The following HS3ST1 variants were observed in gnomAD, a reference collection of about 807,000 sequenced individuals.
HS3ST1 encodes heparan sulfate-glucosamine 3-sulfotransferase 1.
Under a neutral mutation model 20.7 loss-of-function variants are expected in HS3ST1, and 8 were observed. That is an observed-to-expected ratio of 0.39 (90% confidence interval 0.23 to 0.70). HS3ST1 has a LOEUF of 0.70. Among genes scored for constraint, HS3ST1 ranks in the 30% least tolerant of loss-of-function variants. HS3ST1 has a pLI of 0.46. For synonymous variants in HS3ST1, 205 were observed against 190.4 expected, an observed-to-expected ratio of 1.08 and a Z score of -0.63; for missense variants, 436 against 423.4, an observed-to-expected ratio of 1.03 and a Z score of -0.26.
intron 1 of HS3ST1, among the ~76,000 whole-genome samples, chr4:11,420,383 T>C (rs79150224): frequency 0.04 from 6,050 of 152,268 alleles, 158 homozygotes; most frequent in Non-Finnish European, 0.056. Context: ...GTTCATCTAT[T>C]TGGGGGGAGC....
intron 1 of HS3ST1, among the ~76,000 whole-genome samples, chr4:11,403,750 T>G (rs1342404657): frequency 5.9e-5 from 9 of 152,232 alleles, no homozygotes. Flanking sequence ...TCATTTGTTC[T>G]GTTCAGTAGA....
intron 1 of HS3ST1, among the ~76,000 whole-genome samples, chr4:11,401,845 G>C (rs144128489): frequency 6.6e-6 from 1 of 152,332 alleles, no homozygotes; most frequent in Non-Finnish European, 1.5e-5. Context: ...TGCTGGCCTA[G>C]ATGCTGTGGG....
At chr4:11,430,626 C>T (rs1366458230), upstream of HS3ST1, among the ~76,000 whole-genome samples, 1 of 152,148 alleles carries the variant, frequency 6.6e-6, no homozygotes, top group African/African-American at 2.4e-5. Context: ...TTTCATTACC[C>T]ATTGTGAGAC....
At chr4:11,413,958 TGAGA>T (rs2108886353) in intron 1 of HS3ST1, 1 of 152,262 alleles carries the variant, frequency 6.6e-6, no homozygotes, top group East Asian at 1.9e-4. Context: ...TAAATCATAG[TGAGA>T]AAGAAGGAAA....
chr4:11,412,558 T>C (rs1718664031), intron 1 of HS3ST1, among the ~76,000 whole-genome samples: 1 of 152,190 alleles, frequency 6.6e-6, no homozygotes, highest in Non-Finnish European at 1.5e-5. Context: ...ATCAAACTTC[T>C]AAGCTGCTGA....
rs974239157 is a variant in HS3ST1 at position 11,399,665 on chromosome 4, T to C, written c.341A>G (p.Gln114Arg). The C allele has an allele frequency of 3.1e-6, 5 of 1,613,808 alleles. No individual in the cohort carries two copies. In the African/African-American group the frequency reaches 5.3e-5, roughly 17 times the overall value. The change falls in exon 2 of 2, where the codon CAG (glutamine) becomes CGG (arginine). Residue 114 changes from glutamine (Q) to arginine (R), a missense_variant. Physicochemically the swap from Gln to Arg is conservative, Grantham distance 43. Transcript: ENST00000002596. This position sits in a 1 kb window ranked among gnomAD's most constrained non-coding sequence, Gnocchi z 5.1. ...LSQMPFSWPH[Q>R]LTVEKTPAYF... The stretch of plus-strand genomic sequence containing the variant: ...CGCGGGGGTCTTCTCCACTGTGAGC[T>C]GGTGTGGCCAGGAGAAGGGCATCTG...
At chr4:11,411,049 T>C (rs1241683565) in intron 1 of HS3ST1, among the ~76,000 whole-genome samples, 2 of 152,340 alleles carry the variant, frequency 1.3e-5, no homozygotes, top group East Asian at 1.9e-4. Context: ...TTGGAAACTT[T>C]TGTTCAGCTT....
At chr4:11,400,248 C>A in intron 1 of HS3ST1, 135 bp from the exon 2 acceptor site, 1 of 669,114 alleles carries the variant, frequency 1.5e-6, no homozygotes, top group Non-Finnish European at 2.2e-6. Flanking sequence ...ATACAGGAGC[C>A]GATGGCAAAC....
At chr4:11,434,124 T>G (rs1218659397), upstream of HS3ST1, among the ~76,000 whole-genome samples, 1 of 152,176 alleles carries the variant, frequency 6.6e-6, no homozygotes, top group Non-Finnish European at 1.5e-5. Flanking sequence ...CCACAAGAAG[T>G]CTCTTACACA....
rs994105543 is a variant in HS3ST1, at chr4:11,398,694, T to A, written c.*388A>T. On this transcript the variant is annotated 3_prime_UTR_variant, in exon 2 of 2. Transcript: ENST00000002596. ...TTGTAATAGCCATGAAAAACATGTT[T>A]TTTTAAGTAACAAAAGAATTTAGAT... is the stretch of plus-strand genomic sequence containing the variant. 4 of 157,830 alleles carry A rather than the reference T, an allele frequency of 2.5e-5. No individual in the cohort carries two copies. The highest frequency in any genetic ancestry group is 9.6e-5 in the African/African-American group (4 of 41,634). The allele number at this position is 157,830 out of a possible 1,614,324, so 9.8% of individuals were successfully genotyped here.
Position 11,393,200 on chromosome 4 carries a change from A to G in HS3ST1, c.*5882T>C, listed in dbSNP as rs1423255584. ...AACAATAGAAATACAAGATGTTGCTACATAAGATGGAGCAATACCTTCATA... is the reference window on the plus strand; with the variant it reads ...AACAATAGAAATACAAGATGTTGCTGCATAAGATGGAGCAATACCTTCATA... On this transcript the variant is annotated 3_prime_UTR_variant, in exon 2 of 2. Coordinates refer to ENST00000002596, the MANE Select transcript of HS3ST1 (RefSeq NM_005114.4). The G allele has an allele frequency of 2.0e-5, 3 of 152,236 alleles. No individual in the cohort carries two copies. The East Asian group carries it at 5.8e-4, about 29-fold the overall frequency. 9.4% of individuals were successfully genotyped at this position (152,236 alleles called of 1,614,324 possible). A position where few individuals can be genotyped will look rare whatever the true frequency, so the allele number is the denominator to read the frequency against.
chr4:11,431,150 G>T (rs953216996), upstream of HS3ST1, among the ~76,000 whole-genome samples: 1 of 150,744 alleles, frequency 6.6e-6, no homozygotes, highest in Non-Finnish European at 1.5e-5. Context: ...CTTGGGTATC[G>T]TGATTTAATG....
At chr4:11,410,458 A>G (rs1718590055) in intron 1 of HS3ST1, among the ~76,000 whole-genome samples, 1 of 152,202 alleles carries the variant, frequency 6.6e-6, no homozygotes, top group African/African-American at 2.4e-5. Context: ...TAGGAGAAAA[A>G]GCCAAATGGG....
At chr4:11,425,717 A>G (rs914158576) in intron 1 of HS3ST1, among the ~76,000 whole-genome samples, 3 of 152,198 alleles carry the variant, frequency 2.0e-5, no homozygotes, top group Non-Finnish European at 2.9e-5. Flanking sequence ...GTGTTCTCCA[A>G]TCGGCAAGAT....
intron 1 of HS3ST1, among the ~76,000 whole-genome samples, chr4:11,427,736 GCCTATAACTGCAGAGTTATAGA>G (rs1478697536): frequency 7.2e-5 from 11 of 152,296 alleles, no homozygotes; most frequent in East Asian, 1.9e-4. Flanking sequence ...GACCTATAGC[GCCTATAACTGCAGAGTTATAGA>G]CCTATAACTG....
intron 1 of HS3ST1, among the ~76,000 whole-genome samples, chr4:11,414,374 A>G (rs1414921507): frequency 2.0e-5 from 3 of 152,070 alleles, no homozygotes; most frequent in African/African-American, 7.2e-5. Flanking sequence ...AGTTTTCAAG[A>G]CTTCCTGCTT....
intron 1 of HS3ST1, among the ~76,000 whole-genome samples, chr4:11,404,441 C>G (rs1160600666): frequency 1.3e-5 from 2 of 152,182 alleles, no homozygotes; most frequent in African/African-American, 4.8e-5. Flanking sequence ...TGTAGCACAT[C>G]TCAAGGACAC....
chr4:11,430,921 C>A (rs1309817195), upstream of HS3ST1, among the ~76,000 whole-genome samples: 1 of 152,178 alleles, frequency 6.6e-6, no homozygotes, highest in Non-Finnish European at 1.5e-5. Flanking sequence ...AATAAAAACA[C>A]CAACTGGCTA....
chr4:11,433,444 T>G (rs1577090048), upstream of HS3ST1, among the ~76,000 whole-genome samples: 1 of 152,228 alleles, frequency 6.6e-6, no homozygotes. Flanking sequence ...TGGCCAAAAT[T>G]ACACACATCA....
Sources: gnomAD v4.1 joint callset for allele counts (sites outside exome capture counted in the v4.1 genomes callset) on GRCh38, gnomAD v4.1.1 for gene constraint, Gnocchi (gnomAD v3.1) non-coding constraint, MANE v1.5 for transcripts, NCBI Gene and HGNC (gene_info 2026-07-23, HGNC 2026-07-21) for gene names.